Variants in TSPAN18 observed in about 807,000 individuals in gnomAD.
The protein encoded by TSPAN18 is tetraspanin-18.
A neutral mutation model predicts 27.3 loss-of-function variants in TSPAN18; 14 were observed. The ratio of observed to expected loss-of-function variants is 0.51; its 90% CI spans 0.34 to 0.80. The LOEUF is 0.80. TSPAN18 is among the 30% of genes least tolerant of loss of function. TSPAN18 has a pLI of 0.01. For synonymous variants in TSPAN18, 143 were observed against 136.5 expected, an observed-to-expected ratio of 1.05 and a Z score of -0.33; for missense variants, 268 against 323.9, an observed-to-expected ratio of 0.83 and a Z score of 1.32.
chr11:44,737,770 G>C (rs1854832673), intron 1 of TSPAN18, among the ~76,000 whole-genome samples: 1 of 152,076 alleles, frequency 6.6e-6, no homozygotes, highest in Non-Finnish European at 1.5e-5. Context: ...CAGCCCATCT[G>C]CCGCTTGTTT....
intron 2 of TSPAN18, among the ~76,000 whole-genome samples, chr11:44,853,062 T>C (rs1857643296): frequency 6.6e-6 from 1 of 152,210 alleles, no homozygotes; most frequent in Non-Finnish European, 1.5e-5. Flanking sequence ...ATTGGTAGTC[T>C]TCCAGGGCCT....
At chr11:44,786,032 A>G (rs894760365) in intron 2 of TSPAN18, among the ~76,000 whole-genome samples, 1 of 152,246 alleles carries the variant, frequency 6.6e-6, no homozygotes, top group Non-Finnish European at 1.5e-5. Context: ...TGAAGTGCTG[A>G]GCACTGTGCC....
At chr11:44,774,047 A>T (rs4755892) in intron 2 of TSPAN18, among the ~76,000 whole-genome samples, 4 of 151,958 alleles carry the variant, frequency 2.6e-5, no homozygotes, top group Non-Finnish European at 5.9e-5. Flanking sequence ...TAGCCCATGG[A>T]GGCAGCTGTT....
intron 8 of TSPAN18, chr11:44,926,437 A>T: frequency 1.9e-6 from 1 of 540,006 alleles, no homozygotes; most frequent in Admixed American, 3.3e-5. Context: ...GCACGCTGTC[A>T]GTTCTCTGTC....
In TSPAN18 at chr11:44,893,582, C is replaced by T. The variant is rs543605436; in HGVS notation, c.-10-12825C>T. Among the ~76,000 whole-genome samples the T allele has an allele frequency of 1.3e-4, 20 of 152,294 alleles. 1 individual carries two copies. In the South Asian group the frequency reaches 2.5e-3, roughly 19 times the overall value. On this transcript the variant is annotated intron_variant, in intron 3 of 9. Coordinates refer to ENST00000520358, the MANE Select transcript of TSPAN18 (RefSeq NM_130783.5). ...ATTGTTAGTCTTCTAGGCCTCGGGC[C>T]GGCGTCCTGACCAAGGAAAAGATGT...
chr11:44,925,964 T>G (rs1475812264), intron 8 of TSPAN18, among the ~76,000 whole-genome samples: 1 of 152,070 alleles, frequency 6.6e-6, no homozygotes, highest in Non-Finnish European at 1.5e-5. Context: ...TATCTATCTA[T>G]CTCGATCTCG....
chr11:44,871,484 A>G (rs1436636382), intron 3 of TSPAN18, among the ~76,000 whole-genome samples: 1 of 152,116 alleles, frequency 6.6e-6, no homozygotes, highest in East Asian at 1.9e-4. Flanking sequence ...AGTCCACAGT[A>G]CTATTTATTC....
intron 2 of TSPAN18, among the ~76,000 whole-genome samples, chr11:44,766,772 G>A (rs1033465507): frequency 6.6e-6 from 1 of 152,220 alleles, no homozygotes; most frequent in Admixed American, 6.5e-5. Context: ...AGAGGCATGT[G>A]CTGTCATGGA....
At chr11:44,842,322 A>C (rs1857390174) in intron 2 of TSPAN18, among the ~76,000 whole-genome samples, 1 of 152,232 alleles carries the variant, frequency 6.6e-6, no homozygotes, top group African/African-American at 2.4e-5. Context: ...TTTTTAAGCC[A>C]CACGCTCACT....
chr11:44,752,066 A>G (rs1855223456), intron 1 of TSPAN18, among the ~76,000 whole-genome samples: 1 of 152,134 alleles, frequency 6.6e-6, no homozygotes, highest in Non-Finnish European at 1.5e-5. Flanking sequence ...AGTGTTTTGG[A>G]CTGAACTCTA....
intron 2 of TSPAN18, among the ~76,000 whole-genome samples, chr11:44,779,458 A>G (rs1855887678): frequency 1.3e-5 from 2 of 152,130 alleles, no homozygotes; most frequent in South Asian, 4.2e-4. Context: ...TAGACCCTGG[A>G]GAAGGTTAAT....
intron 9 of TSPAN18, 116 bp downstream of exon 9, chr11:44,926,873 C>T: frequency 8.7e-7 from 1 of 1,153,214 alleles, no homozygotes; most frequent in Non-Finnish European, 1.3e-6. Flanking sequence ...CCAAGGGGCC[C>T]CCACTGTGGG....
chr11:44,915,524 C>T (rs985494042), intron 5 of TSPAN18, among the ~76,000 whole-genome samples: 28 of 152,296 alleles, frequency 1.8e-4, no homozygotes, highest in African/African-American at 5.8e-4. Context: ...GGAGGTCAGT[C>T]CCTTCTTCAG....
chr11:44,851,281 C>T (rs1376937226), intron 2 of TSPAN18, among the ~76,000 whole-genome samples: 2 of 152,210 alleles, frequency 1.3e-5, no homozygotes, highest in African/African-American at 4.8e-5. Flanking sequence ...CCCCTTCCTA[C>T]AGCTCCCTGG....
upstream of TSPAN18, chr11:44,726,920 C>CGGGGGCGGGGGAG (rs1854524552): frequency 7.7e-5 from 1 of 13,036 alleles, no homozygotes; most frequent in Non-Finnish European, 2.1e-4. Context: ...AGGGGAGGGA[C>CGGGGGCGGGGGAG]GGACGGCGGC....
intron 2 of TSPAN18, among the ~76,000 whole-genome samples, chr11:44,791,549 C>T (rs938867203): frequency 3.3e-5 from 5 of 152,176 alleles, no homozygotes; most frequent in South Asian, 2.1e-4. Context: ...CCACCCACCC[C>T]GCCTCCTTCT....
intron 2 of TSPAN18, among the ~76,000 whole-genome samples, chr11:44,843,806 C>A (rs991385222): frequency 6.6e-6 from 1 of 152,234 alleles, no homozygotes; most frequent in Non-Finnish European, 1.5e-5. Flanking sequence ...TTCTGCCCAG[C>A]TCACCAGCAG....
At chr11:44,882,357 G>A (rs541630810) in intron 3 of TSPAN18, among the ~76,000 whole-genome samples, 1 of 152,132 alleles carries the variant, frequency 6.6e-6, no homozygotes, top group African/African-American at 2.4e-5. Flanking sequence ...TGCTCCCAGC[G>A]GGTCTCCACA....
At chr11:44,850,844 C>T (rs1857583502) in intron 2 of TSPAN18, among the ~76,000 whole-genome samples, 1 of 152,170 alleles carries the variant, frequency 6.6e-6, no homozygotes, top group African/African-American at 2.4e-5. Flanking sequence ...TTTCACTCCC[C>T]TGGCTCAGGC....
Sources: allele counts gnomAD v4.1 joint callset (sites outside exome capture counted in the v4.1 genomes callset), GRCh38; gene constraint gnomAD v4.1.1; transcripts MANE v1.5; gene names NCBI Gene and HGNC (gene_info 2026-07-23, HGNC 2026-07-21).